L3MBTL4: variants seen among roughly 807,000 people sequenced by gnomAD.
The protein encoded by L3MBTL4 is lethal(3)malignant brain tumor-like protein 4.
Under a neutral mutation model 84.5 loss-of-function variants are expected in L3MBTL4, and 70 were observed. The observed-to-expected ratio is 0.83, with a 90% CI of 0.68 to 1.01. The LOEUF is 1.01. Among genes scored for constraint, L3MBTL4 ranks in the 50% least tolerant of loss-of-function variants. The pLI is 0.00. For synonymous variants in L3MBTL4, 274 were observed against 259.8 expected (o/e 1.05, Z -0.52); for missense variants, 715 against 754.8 (o/e 0.95, Z 0.62).
At chr18:6,137,735 A>C (rs187433586) in intron 14 of L3MBTL4, among the ~76,000 whole-genome samples, 1 of 152,372 alleles carries the variant, frequency 6.6e-6, no homozygotes, top group Non-Finnish European at 1.5e-5. Context: ...AAATAATTAA[A>C]ACATGGGCAT....
intron 15 of L3MBTL4, chr18:6,082,288 T>G (rs1436630261): frequency 6.6e-6 from 1 of 152,190 alleles, no homozygotes; most frequent in Non-Finnish European, 1.5e-5. Flanking sequence ...ATTCAACATA[T>G]GTATCATCAG....
intron 1 of L3MBTL4, among the ~76,000 whole-genome samples, chr18:6,368,186 G>A (rs1330963686): frequency 2.0e-5 from 3 of 151,900 alleles, no homozygotes; most frequent in Admixed American, 6.6e-5. Flanking sequence ...TCCAGTCACC[G>A]GCATCCACCA....
intron 14 of L3MBTL4, among the ~76,000 whole-genome samples, chr18:6,121,184 C>T (rs1019701767): frequency 6.6e-6 from 1 of 152,194 alleles, no homozygotes. Context: ...TAGTAAGCAG[C>T]ATGTTCATTT....
chr18:6,007,222 T>G (rs996955214), intron 16 of L3MBTL4, among the ~76,000 whole-genome samples: 11 of 151,890 alleles, frequency 7.2e-5, no homozygotes, highest in Admixed American at 7.2e-4. Context: ...AAAAATCTAG[T>G]GTCCTAAAGC....
At chr18:6,109,276 A>C (rs1311851831) in intron 14 of L3MBTL4, among the ~76,000 whole-genome samples, 1 of 152,174 alleles carries the variant, frequency 6.6e-6, no homozygotes, top group Non-Finnish European at 1.5e-5. Context: ...ACTTTTTAAG[A>C]AACGTTTTTC....
At chr18:6,313,357 C>T (rs1047113330) in intron 1 of L3MBTL4, among the ~76,000 whole-genome samples, 5 of 152,186 alleles carry the variant, frequency 3.3e-5, no homozygotes, top group South Asian at 2.1e-4. Flanking sequence ...AGAGTGAGCA[C>T]TGTTTTCAAA....
intron 4 of L3MBTL4, among the ~76,000 whole-genome samples, chr18:6,277,642 T>G (rs1398007471): frequency 6.6e-6 from 1 of 152,224 alleles, no homozygotes; most frequent in African/African-American, 2.4e-5. Context: ...TTTCCATTTA[T>G]TCAAATAGTA....
chr18:6,207,669 T>C (rs1276963905), intron 12 of L3MBTL4, among the ~76,000 whole-genome samples: 1 of 152,132 alleles, frequency 6.6e-6, no homozygotes, highest in Non-Finnish European at 1.5e-5. Flanking sequence ...CTTCTGAAAA[T>C]TGTCCCAGTC....
intron 1 of L3MBTL4, among the ~76,000 whole-genome samples, chr18:6,328,188 C>T (rs572003238): frequency 1.2e-4 from 18 of 152,178 alleles, no homozygotes; most frequent in Non-Finnish European, 2.1e-4. Flanking sequence ...TTGCTGCTGC[C>T]CCTGGCTACA....
At chr18:6,121,899 T>C (rs1299762943) in intron 14 of L3MBTL4, among the ~76,000 whole-genome samples, 1 of 152,198 alleles carries the variant, frequency 6.6e-6, no homozygotes, top group Non-Finnish European at 1.5e-5. Context: ...TCAATTTCCC[T>C]TTCTGATCTA....
intron 16 of L3MBTL4, among the ~76,000 whole-genome samples, chr18:6,071,766 A>AAAGG (rs1555645514): frequency 2.2e-5 from 2 of 90,766 alleles, no homozygotes; most frequent in African/African-American, 7.7e-5. Flanking sequence ...AGAAAAAAAG[A>AAAGG]AAGAAAGAAA....
chr18:6,063,159 A>T (rs2057287236), intron 16 of L3MBTL4, among the ~76,000 whole-genome samples: 1 of 151,932 alleles, frequency 6.6e-6, no homozygotes, highest in African/African-American at 2.4e-5. Context: ...TACAAAAGGC[A>T]TTATTTCATT....
intron 12 of L3MBTL4, among the ~76,000 whole-genome samples, chr18:6,185,750 A>G (rs1277567678): frequency 2.0e-5 from 3 of 152,088 alleles, no homozygotes; most frequent in African/African-American, 7.2e-5. Flanking sequence ...TAAGACAAGA[A>G]CTCTAATCAA....
At chr18:6,189,690 A>G (rs572717582) in intron 12 of L3MBTL4, among the ~76,000 whole-genome samples, 264 of 152,338 alleles carry the variant, frequency 1.7e-3, no homozygotes, top group Non-Finnish European at 2.4e-3. Context: ...AAAATGATCT[A>G]AAAAGGAACA....
Position 6,362,277 on chromosome 18 carries a change from AAAAGAAAGAAGAG to A in L3MBTL4, c.-90-50234_-90-50222del, listed in dbSNP as rs568150575. Reference sequence around the variant, plus strand: ...GAAAGGAAAGGAAAGGAAAAGAAGAAAAAGAAAGAAGAGAAAGAAAGAGGAAGAGGGAGGAAAG... The same window carrying A: ...GAAAGGAAAGGAAAGGAAAAGAAGAAAAAGAAAGAGGAAGAGGGAGGAAAG... On this transcript the variant is annotated intron_variant, in intron 1 of 18. Transcript: ENST00000317931. 1.4e-3 allele frequency among the ~76,000 whole-genome samples: 219 copies of A among 151,864 alleles called. 1 individual carries two copies. Among genetic ancestry groups the A allele is most frequent in the Non-Finnish European group, 2.1e-3 (141 of 67,970 alleles).
intron 3 of L3MBTL4, among the ~76,000 whole-genome samples, chr18:6,303,101 C>A (rs2050415808): frequency 1.3e-5 from 2 of 152,068 alleles, no homozygotes. Context: ...TTTTTGGAAA[C>A]ATAAATATAC....
At chr18:6,370,129 G>T in intron 1 of L3MBTL4, among the ~76,000 whole-genome samples, 1 of 116,280 alleles carries the variant, frequency 8.6e-6, no homozygotes, top group African/African-American at 3.7e-5. Context: ...GTGAGACTCG[G>T]TCTCAAAAAA....
At chr18:6,309,618 A>G (rs1321844417) in intron 3 of L3MBTL4, among the ~76,000 whole-genome samples, 1 of 152,200 alleles carries the variant, frequency 6.6e-6, no homozygotes, top group African/African-American at 2.4e-5. Flanking sequence ...CAATAAAGGG[A>G]AAGTCCCAAT....
intron 1 of L3MBTL4, among the ~76,000 whole-genome samples, chr18:6,335,550 G>C (rs1405196245): frequency 6.6e-6 from 1 of 152,022 alleles, no homozygotes; most frequent in East Asian, 1.9e-4. Context: ...ATCAAATCTG[G>C]GTTATTCTTC....
Sources: allele counts gnomAD v4.1 joint callset (sites outside exome capture counted in the v4.1 genomes callset), GRCh38; gene constraint gnomAD v4.1.1; transcripts MANE v1.5; gene names NCBI Gene and HGNC (gene_info 2026-07-23, HGNC 2026-07-21).